The following CAMTA1 variants were observed in gnomAD, a reference collection of about 807,000 sequenced individuals.
CAMTA1 encodes the protein calmodulin binding transcription activator 1.
A neutral mutation model predicts 170.9 loss-of-function variants in CAMTA1; 27 were observed. The ratio of observed to expected loss-of-function variants is 0.16; its 90% CI spans 0.12 to 0.22. The LOEUF (loss-of-function observed/expected upper bound fraction) is 0.22, where lower values mean the gene tolerates loss of function less well. Ranked by LOEUF, CAMTA1 falls within the 10% of genes least tolerant of loss-of-function variation. CAMTA1 has a pLI of 1.00. For missense variants in CAMTA1, 1,619 were observed against 2,217.2 expected, an observed-to-expected ratio of 0.73 and a Z score of 5.42; for synonymous variants, 833 against 891.5, an observed-to-expected ratio of 0.93 and a Z score of 1.17.
chr1:7,154,421 G>A (rs1040005534), intron 4 of CAMTA1, among the ~76,000 whole-genome samples: 19 of 152,114 alleles, frequency 1.2e-4, no homozygotes, highest in Non-Finnish European at 1.0e-4. Context: ...TTTATCTTCA[G>A]CTCTCCAGGC....
rs1692521732 is a variant in CAMTA1 at position 6,971,447 on chromosome 1, A to G, written c.235-119857A>G. Among the ~76,000 whole-genome samples the G allele has an allele frequency of 2.0e-5, 3 of 152,194 alleles. No homozygotes were observed. The South Asian group carries it at 6.2e-4, about 32-fold the overall frequency. On this transcript the variant is annotated intron_variant, in intron 3 of 22. Transcript: ENST00000303635. This position sits in a 1 kb window ranked among gnomAD's most constrained non-coding sequence, Gnocchi z 4.6. ...ATTGTGCTATCCCAAACTGTTTGCA[A>G]GCCCCTCAGTGGGGGAGTCCGGTTT...
At chr1:7,358,021 C>T (rs1280283650) in intron 5 of CAMTA1, among the ~76,000 whole-genome samples, 2 of 152,186 alleles carry the variant, frequency 1.3e-5, no homozygotes, top group Non-Finnish European at 2.9e-5. Context: ...CTGGAGGGAT[C>T]TGGGGGCTCC....
chr1:7,223,261 A>G (rs961664615), intron 4 of CAMTA1, among the ~76,000 whole-genome samples: 1 of 151,602 alleles, frequency 6.6e-6, no homozygotes, highest in African/African-American at 2.4e-5. Flanking sequence ...AGCAAAGCAG[A>G]TTCAGTGTCT....
intron 5 of CAMTA1, among the ~76,000 whole-genome samples, chr1:7,386,259 G>A (rs1369158694): frequency 6.6e-6 from 1 of 152,244 alleles, no homozygotes; most frequent in Non-Finnish European, 1.5e-5. Context: ...AGGCCCAAGA[G>A]GCAGAGCTCG....
intron 3 of CAMTA1, among the ~76,000 whole-genome samples, chr1:7,031,819 G>A (rs1380480949): frequency 2.6e-5 from 4 of 152,102 alleles, no homozygotes; most frequent in South Asian, 2.1e-4. Context: ...GGGATTATAG[G>A]CATGAGTCAC....
chr1:7,056,361 G>A (rs1011986791), intron 3 of CAMTA1, among the ~76,000 whole-genome samples: 3 of 152,134 alleles, frequency 2.0e-5, no homozygotes, highest in African/African-American at 7.2e-5. Context: ...AACCTGCCAC[G>A]AGAAGATGCA....
At chr1:6,943,123 T>A (rs1686944147) in intron 3 of CAMTA1, among the ~76,000 whole-genome samples, 1 of 151,866 alleles carries the variant, frequency 6.6e-6, no homozygotes, top group Non-Finnish European at 1.5e-5. Flanking sequence ...TCATTCCTTA[T>A]CTCGTGGGAC....
chr1:7,008,509 G>C (rs1421670811), intron 3 of CAMTA1: 1 of 152,202 alleles, frequency 6.6e-6, no homozygotes, highest in African/African-American at 2.4e-5. Context: ...GTCCCCAGAG[G>C]AGGGGAGGCT....
chr1:7,142,361 C>A (rs1645936665), intron 4 of CAMTA1, among the ~76,000 whole-genome samples: 1 of 152,174 alleles, frequency 6.6e-6, no homozygotes, highest in Non-Finnish European at 1.5e-5. Flanking sequence ...TATTTGAAAG[C>A]AGTGGTCCAC....
At position 7,075,189 on chromosome 1, in the gene CAMTA1, C is replaced by T. The variant is rs182832960; in HGVS notation, c.235-16115C>T. Among the ~76,000 whole-genome samples, 5 of 152,238 alleles carry T rather than the reference C, an allele frequency of 3.3e-5. No individual in the cohort carries two copies. In the East Asian group the frequency reaches 9.6e-4, roughly 29 times the overall value. The stretch of plus-strand genomic sequence containing the variant: ...GGTCATAATTCCTGCAAAAAGTGGT[C>T]GGGAGTCTTCAGTGTCCAAGGGTAG... On this transcript the variant is annotated intron_variant, in intron 3 of 22. Coordinates refer to ENST00000303635, the MANE Select transcript of CAMTA1 (RefSeq NM_015215.4).
In CAMTA1 at chr1:7,456,506, C is replaced by T. The variant is rs1575428658; in HGVS notation, c.439-11324C>T. Reference sequence around the variant, plus strand: ...AACAGCACTGATACATTGAAATAGGCTAAAAGAACAAGAGCCAGTGGGTGG... The same window carrying T: ...AACAGCACTGATACATTGAAATAGGTTAAAAGAACAAGAGCCAGTGGGTGG... On this transcript the variant is annotated intron_variant, in intron 5 of 22. Coordinates refer to ENST00000303635, the MANE Select transcript of CAMTA1 (RefSeq NM_015215.4). The surrounding 1 kb of genome is among the most constrained non-coding windows in gnomAD (Gnocchi z 4.9). Among the ~76,000 whole-genome samples, 3 of 152,276 alleles carry T rather than the reference C, an allele frequency of 2.0e-5. No homozygotes were observed. In the East Asian group the frequency reaches 5.8e-4, roughly 29 times the overall value.
intron 5 of CAMTA1, among the ~76,000 whole-genome samples, chr1:7,404,620 A>G (rs1185178485): frequency 6.6e-6 from 1 of 152,126 alleles, no homozygotes; most frequent in East Asian, 1.9e-4. Flanking sequence ...CCTCAGCTTG[A>G]GCTGCAGGCC....
At chr1:6,987,117 C>A (rs1227159610) in intron 3 of CAMTA1, among the ~76,000 whole-genome samples, 1 of 151,598 alleles carries the variant, frequency 6.6e-6, no homozygotes, top group Non-Finnish European at 1.5e-5. Flanking sequence ...ATTGTCATCA[C>A]TGGGTAACTT....
chr1:7,015,565 G>C (rs971384207), intron 3 of CAMTA1, among the ~76,000 whole-genome samples: 3 of 152,112 alleles, frequency 2.0e-5, no homozygotes, highest in African/African-American at 7.2e-5. Context: ...TGACGTTTTT[G>C]GGGCTGTGCC....
intron 3 of CAMTA1, among the ~76,000 whole-genome samples, chr1:7,039,004 C>T (rs1704040217): frequency 6.6e-6 from 1 of 152,144 alleles, no homozygotes; most frequent in Non-Finnish European, 1.5e-5. Context: ...CCTGCCACTG[C>T]ACTCCAGCCT....
At chr1:7,553,881 G>A (rs566886622) in intron 6 of CAMTA1, among the ~76,000 whole-genome samples, 1 of 152,322 alleles carries the variant, frequency 6.6e-6, no homozygotes, top group Admixed American at 6.5e-5. Context: ...AGAAGTGATT[G>A]TCACCCTGTG....
chr1:7,289,229 T>C (rs887383842), intron 5 of CAMTA1, among the ~76,000 whole-genome samples: 1 of 152,012 alleles, frequency 6.6e-6, no homozygotes, highest in Non-Finnish European at 1.5e-5. Flanking sequence ...CAATTCAACA[T>C]GAGATTGGGC....
At chr1:6,862,329 T>G (rs1385349810) in intron 3 of CAMTA1, among the ~76,000 whole-genome samples, 4 of 152,290 alleles carry the variant, frequency 2.6e-5, no homozygotes, top group Non-Finnish European at 5.9e-5. Context: ...ATCATCAAGG[T>G]TCGTCCATGT....
intron 3 of CAMTA1, among the ~76,000 whole-genome samples, chr1:6,943,430 A>T (rs1329009822): frequency 2.0e-5 from 3 of 151,996 alleles, no homozygotes; most frequent in Non-Finnish European, 4.4e-5. Context: ...CTGCACCAGA[A>T]ATAGGTGGCG....
Sources: gnomAD v4.1 joint callset for allele counts (sites outside exome capture counted in the v4.1 genomes callset) on GRCh38, gnomAD v4.1.1 for gene constraint, Gnocchi (gnomAD v3.1) non-coding constraint, MANE v1.5 for transcripts, NCBI Gene and HGNC (gene_info 2026-07-23, HGNC 2026-07-21) for gene names.